SNX25: variants seen among roughly 807,000 people sequenced by gnomAD.
SNX25 encodes the protein sorting nexin 25, also known as sorting nexin-25.
In SNX25, 62 loss-of-function variants were observed where a neutral mutation model predicts 113.7. That is an observed-to-expected ratio of 0.55 (90% confidence interval 0.44 to 0.67). The LOEUF (loss-of-function observed/expected upper bound fraction) is 0.67. SNX25 is among the 30% of genes least tolerant of loss of function. SNX25 has a pLI of 0.00. For synonymous variants in SNX25, 421 were observed against 436.2 expected (o/e 0.97, Z 0.43); for missense variants, 1,014 against 1,161.0 (o/e 0.87, Z 1.84).
intron 3 of SNX25, among the ~76,000 whole-genome samples, chr4:185,260,130 T>C: frequency 6.6e-6 from 1 of 151,824 alleles, no homozygotes; most frequent in South Asian, 2.1e-4. Context: ...ACTTTGACAC[T>C]TTTTTTAACG....
intron 11 of SNX25, among the ~76,000 whole-genome samples, chr4:185,340,466 C>T (rs1430758379): frequency 1.3e-5 from 2 of 152,176 alleles, no homozygotes; most frequent in Non-Finnish European, 2.9e-5. Context: ...GAACAATACA[C>T]ATTTCTCCAT....
chr4:185,354,764 C>CGA (rs2095331653), intron 15 of SNX25, among the ~76,000 whole-genome samples: 1 of 152,238 alleles, frequency 6.6e-6, no homozygotes, highest in Non-Finnish European at 1.5e-5. Context: ...TCCACACATT[C>CGA]ACAGCTCCCA....
chr4:185,322,389 G>A (rs542586235), intron 8 of SNX25, among the ~76,000 whole-genome samples: 3 of 152,182 alleles, frequency 2.0e-5, no homozygotes, highest in South Asian at 2.1e-4. Flanking sequence ...CCGAGATCAC[G>A]CCACTACACT....
At chr4:185,225,636 G>A (rs1422637385) in intron 1 of SNX25, among the ~76,000 whole-genome samples, 1 of 152,162 alleles carries the variant, frequency 6.6e-6, no homozygotes, top group Non-Finnish European at 1.5e-5. Context: ...TAATGTGAAC[G>A]TCGTGAAGTG....
chr4:185,241,171 A>G (rs1425044265), intron 1 of SNX25, among the ~76,000 whole-genome samples: 2 of 151,922 alleles, frequency 1.3e-5, no homozygotes, highest in Admixed American at 1.3e-4. Flanking sequence ...ACGCCACTGC[A>G]CTCCAGCCTG....
intron 1 of SNX25, among the ~76,000 whole-genome samples, chr4:185,235,407 T>G (rs1047980736): frequency 4.6e-5 from 7 of 152,330 alleles, no homozygotes; most frequent in African/African-American, 1.7e-4. Flanking sequence ...CAGTTCTTCT[T>G]CTGGAGGTGC....
intron 8 of SNX25, 85 bp downstream of exon 8, chr4:185,320,949 T>C: frequency 8.2e-7 from 1 of 1,215,308 alleles, no homozygotes; most frequent in Non-Finnish European, 1.1e-6. Context: ...TTTCTCAAGA[T>C]AAGTATACAT....
chr4:185,310,628 A>C lies in SNX25; in HGVS notation c.1163-7A>C. 3.1e-6 allele frequency: 5 copies of C among 1,611,980 alleles called. No homozygotes were observed. Among genetic ancestry groups the C allele is most frequent in the Non-Finnish European group, 4.2e-6 (5 of 1,178,878 alleles). ...TGACCAGGTACTGTTTCTCACTCCT[A>C]TTCAAGGTAAAGAAACTGCGGCAAT... On this transcript the variant is annotated splice_polypyrimidine_tract_variant and splice_region_variant and intron_variant, in intron 6 of 18. Coordinates refer to ENST00000652585, the MANE Select transcript of SNX25 (RefSeq NM_001378034.2).
rs1243707323 is a variant in SNX25, at chr4:185,240,847, G to A, written c.430-6447G>A. 1.4e-3 allele frequency among the ~76,000 whole-genome samples: 208 copies of A among 151,052 alleles called. 3 individuals carry two copies. Among genetic ancestry groups the A allele is most frequent in the Non-Finnish European group, 6.5e-4 (44 of 67,638 alleles). ...GGTCTCCTCACTTCTCAGACGGGGCGGCCGGGCAGAGACGCTCCTCACATC... is the reference window on the plus strand; with the variant it reads ...GGTCTCCTCACTTCTCAGACGGGGCAGCCGGGCAGAGACGCTCCTCACATC... On this transcript the variant is annotated intron_variant, in intron 1 of 18. Coordinates refer to ENST00000652585, the MANE Select transcript of SNX25 (RefSeq NM_001378034.2).
rs1338318118 is a variant in SNX25 at position 185,340,822 on chromosome 4, TG to T, written c.2047-1152del. ...TTGCTGCTTGCTGAAGCACTCTGGC[TG>T]GTGAAAAGATAGTGGAAATGGGAAA... On this transcript the variant is annotated intron_variant, in intron 11 of 18. Coordinates refer to ENST00000652585, the MANE Select transcript of SNX25 (RefSeq NM_001378034.2). 2.6e-5 allele frequency among the ~76,000 whole-genome samples: 4 copies of T among 152,242 alleles called. No individual in the cohort carries two copies. The East Asian group carries it at 7.7e-4, about 29-fold the overall frequency.
intron 9 of SNX25, among the ~76,000 whole-genome samples, chr4:185,331,466 CTA>C (rs1413118756): frequency 6.6e-6 from 1 of 152,122 alleles, no homozygotes; most frequent in Non-Finnish European, 1.5e-5. Flanking sequence ...TTTTATATAA[CTA>C]TTTATAGACA....
At position 185,335,505 on chromosome 4, in the gene SNX25, A is replaced by G. The variant is rs1346917263; in HGVS notation, c.1914+2746A>G. On this transcript the variant is annotated intron_variant, in intron 10 of 18. Coordinates refer to ENST00000652585, the MANE Select transcript of SNX25 (RefSeq NM_001378034.2). ...ATCAGATCATTTTCCTGTGAGACATAGTGGTGCAGACTTCTCCTCAACACA... is the reference window on the plus strand; with the variant it reads ...ATCAGATCATTTTCCTGTGAGACATGGTGGTGCAGACTTCTCCTCAACACA... 3.3e-5 allele frequency among the ~76,000 whole-genome samples: 5 copies of G among 152,332 alleles called. No individual in the cohort carries two copies. The East Asian group carries it at 9.6e-4, about 29-fold the overall frequency.
chr4:185,353,921 G>A (rs1561049703), intron 15 of SNX25, among the ~76,000 whole-genome samples: 4 of 152,034 alleles, frequency 2.6e-5, no homozygotes, highest in Admixed American at 2.0e-4. Context: ...GCGCATGCCT[G>A]TAATCCCAGC....
chr4:185,373,829 C>T (rs906704555), downstream of SNX25, among the ~76,000 whole-genome samples: 2 of 152,134 alleles, frequency 1.3e-5, no homozygotes, highest in African/African-American at 2.4e-5. Context: ...CTCAAGTCAA[C>T]GGTAATATTC....
At chr4:185,371,135 G>A (rs2095413347), downstream of SNX25, 1 of 223,676 alleles carries the variant, frequency 4.5e-6, no homozygotes, top group Non-Finnish European at 9.0e-6. Context: ...AAACTGAACG[G>A]AGAAGAAAGC....
intron 6 of SNX25, among the ~76,000 whole-genome samples, chr4:185,303,128 C>G (rs1753944020): frequency 6.6e-6 from 1 of 152,138 alleles, no homozygotes; most frequent in East Asian, 1.9e-4. Context: ...GAAACTTGAG[C>G]CCAAGTCTCC....
At chr4:185,240,598 C>T (rs1310264537) in intron 1 of SNX25, among the ~76,000 whole-genome samples, 9 of 147,350 alleles carry the variant, frequency 6.1e-5, no homozygotes, top group Non-Finnish European at 9.0e-5. Context: ...TAGGGGCGGC[C>T]GGGCAGAGGC....
the SNX25 span, chr4:185,376,790 G>T: frequency 6.0e-6 from 4 of 668,236 alleles, no homozygotes; most frequent in Non-Finnish European, 1.0e-5. Context: ...AGCCATAGTC[G>T]ATGTAATTGG....
At chr4:185,335,405 A>G (rs921804749) in intron 10 of SNX25, among the ~76,000 whole-genome samples, 1 of 152,098 alleles carries the variant, frequency 6.6e-6, no homozygotes. Context: ...GGTTTTGACA[A>G]TCTAGCAATT....
Sources: gnomAD v4.1 joint callset for allele counts (sites outside exome capture counted in the v4.1 genomes callset) on GRCh38, gnomAD v4.1.1 for gene constraint, MANE v1.5 for transcripts, NCBI Gene and HGNC (gene_info 2026-07-23, HGNC 2026-07-21) for gene names.